CDH13: variants seen among roughly 807,000 people sequenced by gnomAD.
CDH13 encodes the protein cadherin 13.
A neutral mutation model predicts 63.8 loss-of-function variants in CDH13; 24 were observed. The observed-to-expected ratio is 0.38, with a 90% CI of 0.27 to 0.53. CDH13 has a LOEUF of 0.53. CDH13 is among the 20% of genes least tolerant of loss of function. CDH13 has a pLI of 0.85. For synonymous variants in CDH13, 503 were observed against 355.3 expected (o/e 1.42, Z -4.67); for missense variants, 1,049 against 903.1 (o/e 1.16, Z -2.07).
chr16:83,015,724 A>ATATATATATATATAT (rs1555562946), intron 2 of CDH13, among the ~76,000 whole-genome samples: 1 of 49,096 alleles, frequency 2.0e-5, no homozygotes. Context: ...TATATATATA[A>ATATATATATATATAT]AGAAAAAGCA....
At chr16:83,146,979 C>T (rs13332672) in intron 4 of CDH13, among the ~76,000 whole-genome samples, 6,761 of 152,002 alleles carry the variant, frequency 0.044, 344 homozygotes, top group African/African-American at 0.11. Flanking sequence ...TCTCAGCTAC[C>T]CAGCAGGCTG....
chr16:83,108,876 C>T (rs77489205), intron 3 of CDH13, among the ~76,000 whole-genome samples: 3 of 152,158 alleles, frequency 2.0e-5, no homozygotes, highest in African/African-American at 7.2e-5. Flanking sequence ...CTCCCTTGCC[C>T]TTCCGAGTCA....
At chr16:83,156,536 G>A (rs1017487038) in intron 4 of CDH13, among the ~76,000 whole-genome samples, 1 of 152,172 alleles carries the variant, frequency 6.6e-6, no homozygotes, top group African/African-American at 2.4e-5. Context: ...GCTCTTTTAA[G>A]TTGGAGAAAA....
intron 2 of CDH13, among the ~76,000 whole-genome samples, chr16:82,942,948 C>T (rs562653022): frequency 1.4e-4 from 21 of 152,258 alleles, no homozygotes; most frequent in African/African-American, 4.1e-4. Flanking sequence ...TGCTCTACCC[C>T]GTATCCTTGA....
At chr16:83,750,014 T>A (rs951091498) in intron 11 of CDH13, among the ~76,000 whole-genome samples, 2 of 152,196 alleles carry the variant, frequency 1.3e-5, no homozygotes, top group Non-Finnish European at 2.9e-5. Context: ...ATAGCTCATG[T>A]TGGCTGGGCA....
At chr16:83,710,820 A>T (rs1333687200) in intron 10 of CDH13, among the ~76,000 whole-genome samples, 1 of 152,158 alleles carries the variant, frequency 6.6e-6, no homozygotes, top group East Asian at 1.9e-4. Flanking sequence ...TCGGAACGGG[A>T]GAGGGCTGCA....
At chr16:83,095,835 A>T (rs2034165631) in intron 3 of CDH13, among the ~76,000 whole-genome samples, 1 of 152,212 alleles carries the variant, frequency 6.6e-6, no homozygotes, top group Admixed American at 6.5e-5. Flanking sequence ...GTCTTTTCTT[A>T]AAGGCAATAG....
At chr16:82,792,453 G>A (rs544785159) in intron 1 of CDH13, among the ~76,000 whole-genome samples, 7 of 152,314 alleles carry the variant, frequency 4.6e-5, no homozygotes, top group African/African-American at 9.6e-5. Flanking sequence ...GTATCTGCAT[G>A]TGTGCAAGTC....
chr16:83,278,878 G>T (rs905366647), intron 5 of CDH13, among the ~76,000 whole-genome samples: 3 of 152,152 alleles, frequency 2.0e-5, no homozygotes, highest in African/African-American at 4.8e-5. Context: ...GAAAGGGCAG[G>T]ATGTTGAACC....
chr16:83,433,644 A>G (rs2072196727), intron 6 of CDH13, among the ~76,000 whole-genome samples: 1 of 152,128 alleles, frequency 6.6e-6, no homozygotes, highest in African/African-American at 2.4e-5. Flanking sequence ...AAGATTCATT[A>G]CCCCAGCAGG....
At chr16:82,687,490 G>A (rs1047361319) in intron 1 of CDH13, among the ~76,000 whole-genome samples, 2 of 152,156 alleles carry the variant, frequency 1.3e-5, no homozygotes, top group Non-Finnish European at 2.9e-5. Context: ...AATCATGGCA[G>A]AAGGTGAAGG....
intron 7 of CDH13, among the ~76,000 whole-genome samples, chr16:83,513,764 A>T (rs1489353449): frequency 6.6e-6 from 1 of 152,184 alleles, no homozygotes; most frequent in East Asian, 1.9e-4. Flanking sequence ...GGGAACTACA[A>T]TTCAAGATGA....
intron 6 of CDH13, among the ~76,000 whole-genome samples, chr16:83,350,288 C>T (rs556404332): frequency 1.3e-4 from 20 of 152,144 alleles, no homozygotes; most frequent in South Asian, 2.1e-4. Context: ...CCACCCTGGA[C>T]GGGTGGGGCA....
chr16:83,067,239 A>G (rs185137848), intron 3 of CDH13, among the ~76,000 whole-genome samples: 1 of 152,170 alleles, frequency 6.6e-6, no homozygotes, highest in Non-Finnish European at 1.5e-5. Flanking sequence ...TCTCTGAGTA[A>G]TGTTGATAAG....
chr16:83,549,800 G>A (rs2075457288), intron 7 of CDH13, among the ~76,000 whole-genome samples: 1 of 152,182 alleles, frequency 6.6e-6, no homozygotes, highest in South Asian at 2.1e-4. Flanking sequence ...TTCGAGGAGA[G>A]GTGGAAGCAG....
intron 1 of CDH13, among the ~76,000 whole-genome samples, chr16:82,678,125 A>C (rs988046426): frequency 6.6e-6 from 1 of 152,184 alleles, no homozygotes; most frequent in African/African-American, 2.4e-5. Context: ...GGTATCTAGT[A>C]CGGGAAACTT....
intron 5 of CDH13, among the ~76,000 whole-genome samples, chr16:83,251,158 A>T (rs550519630): frequency 6.6e-6 from 1 of 152,162 alleles, no homozygotes; most frequent in Non-Finnish European, 1.5e-5. Flanking sequence ...GTCATTTCAT[A>T]GATTTGTAAG....
chr16:82,953,545 T>C (rs1351790281), intron 2 of CDH13: 1 of 152,230 alleles, frequency 6.6e-6, no homozygotes, highest in Non-Finnish European at 1.5e-5. Flanking sequence ...TAGCTCTGCA[T>C]GGTGAACTTA....
intron 7 of CDH13, among the ~76,000 whole-genome samples, chr16:83,500,051 C>T (rs1385540562): frequency 2.6e-5 from 4 of 151,928 alleles, no homozygotes; most frequent in African/African-American, 9.7e-5. Flanking sequence ...GATCCGCCCA[C>T]CTCGGCCTCC....
Sources: allele counts gnomAD v4.1 joint callset (sites outside exome capture counted in the v4.1 genomes callset), GRCh38; gene constraint gnomAD v4.1.1; transcripts MANE v1.5; gene names NCBI Gene and HGNC (gene_info 2026-07-23, HGNC 2026-07-21).